PRIMA1: variants seen among roughly 807,000 people sequenced by gnomAD.
PRIMA1 encodes proline rich membrane anchor 1, also known as proline-rich membrane anchor 1.
PRIMA1 carries 7 observed loss-of-function variants against 17.5 expected under a neutral mutation model. That is an observed-to-expected ratio of 0.40 (90% confidence interval 0.23 to 0.75). The LOEUF (loss-of-function observed/expected upper bound fraction) is 0.75. PRIMA1 is among the 30% of genes least tolerant of loss of function. The pLI is 0.37. For synonymous variants in PRIMA1, 97 were observed against 77.9 expected (o/e 1.25, Z -1.29); for missense variants, 200 against 201.8 (o/e 0.99, Z 0.05).
chr14:93,785,964 C>A (rs1022816872), intron 2 of PRIMA1, among the ~76,000 whole-genome samples: 1 of 152,122 alleles, frequency 6.6e-6, no homozygotes, highest in African/African-American at 2.4e-5. Context: ...ACTTAAAAAA[C>A]TGAACTGCTT....
At chr14:93,733,473 G>C (rs2076128725) in intron 4 of PRIMA1, among the ~76,000 whole-genome samples, 2 of 152,098 alleles carry the variant, frequency 1.3e-5, no homozygotes, top group South Asian at 4.1e-4. Flanking sequence ...TCAGCCCTCG[G>C]TGCCGCCCGT....
Position 93,776,211 on chromosome 14 carries a change from C to T in PRIMA1, c.229+2965G>A, listed in dbSNP as rs187790129. On this transcript the variant is annotated intron_variant, in intron 3 of 4. Transcript: ENST00000393140. Reference sequence around the variant, plus strand: ...TGAGACCATGGATTCAGCAGATCTGCTGCCTGGATATCCTGATACGTGAGC... The same window carrying T: ...TGAGACCATGGATTCAGCAGATCTGTTGCCTGGATATCCTGATACGTGAGC... Among the ~76,000 whole-genome samples, 3 of 152,322 alleles carry T rather than the reference C, an allele frequency of 2.0e-5. 1 individual carries two copies. Among genetic ancestry groups the T allele is most frequent in the East Asian group, 3.9e-4 (2 of 5,184 alleles).
At chr14:93,750,642 G>C (rs1244566988) in intron 3 of PRIMA1, among the ~76,000 whole-genome samples, 1 of 152,116 alleles carries the variant, frequency 6.6e-6, no homozygotes, top group Non-Finnish European at 1.5e-5. Context: ...CAGAGCCTAA[G>C]ATACACTATC....
chr14:93,723,162 T>TCCATG (rs1338354078), intron 4 of PRIMA1, among the ~76,000 whole-genome samples: 2 of 152,080 alleles, frequency 1.3e-5, no homozygotes, highest in Non-Finnish European at 2.9e-5. Context: ...GTAGCCCAAT[T>TCCATG]CCATGCCACA....
intron 4 of PRIMA1, among the ~76,000 whole-genome samples, chr14:93,731,177 T>C (rs1324427953): frequency 6.6e-6 from 1 of 152,204 alleles, no homozygotes; most frequent in African/African-American, 2.4e-5. Flanking sequence ...CAGAATCCCA[T>C]ACTGAGCCCC....
intron 3 of PRIMA1, among the ~76,000 whole-genome samples, chr14:93,747,936 TGA>T (rs1329182793): frequency 1.2e-4 from 8 of 67,802 alleles, no homozygotes; most frequent in African/African-American, 2.8e-4. Context: ...TGTGATTATG[TGA>T]GTGTGTGTGT....
chr14:93,762,452 G>T (rs1181578697), intron 3 of PRIMA1, among the ~76,000 whole-genome samples: 1 of 151,760 alleles, frequency 6.6e-6, no homozygotes, highest in Non-Finnish European at 1.5e-5. Flanking sequence ...AGGGAAAAGG[G>T]TCCAGCTATC....
chr14:93,732,878 T>C (rs565233258), intron 4 of PRIMA1, among the ~76,000 whole-genome samples: 17 of 152,336 alleles, frequency 1.1e-4, no homozygotes, highest in African/African-American at 3.8e-4. Flanking sequence ...CTCCCAGTTC[T>C]GGGCTCTTTT....
chr14:93,770,146 G>A (rs1225406526), intron 3 of PRIMA1, among the ~76,000 whole-genome samples: 1 of 152,074 alleles, frequency 6.6e-6, no homozygotes, highest in Non-Finnish European at 1.5e-5. Flanking sequence ...CTCCACCCCG[G>A]GTCCAGCCCA....
intron 3 of PRIMA1, among the ~76,000 whole-genome samples, chr14:93,777,727 C>T (rs555700713): frequency 6.6e-6 from 1 of 152,322 alleles, no homozygotes; most frequent in Non-Finnish European, 1.5e-5. Context: ...CCTGGCAAAC[C>T]ATTTCTGTGT....
intron 3 of PRIMA1, among the ~76,000 whole-genome samples, chr14:93,772,939 T>C (rs1205211655): frequency 6.6e-6 from 1 of 152,224 alleles, no homozygotes; most frequent in East Asian, 1.9e-4. Flanking sequence ...TGCCATTTAT[T>C]GCGTGTTAAC....
In PRIMA1 at chr14:93,720,275, G is replaced by C. The variant is rs914035980; in HGVS notation, c.*1169C>G. The C allele has an allele frequency of 3.9e-5, 6 of 152,252 alleles. No homozygotes were observed. Among genetic ancestry groups the C allele is most frequent in the Non-Finnish European group, 8.8e-5 (6 of 68,068 alleles). 9.4% of individuals were successfully genotyped at this position (152,252 alleles called of 1,614,324 possible). On this transcript the variant is annotated 3_prime_UTR_variant, in exon 5 of 5. Transcript: ENST00000393140. Reference sequence around the variant, plus strand: ...CTTGGGAGACAGGCCAACAGGGCAGGGGTCACCAGCCTGGAGGACCCCTCT... The same window carrying C: ...CTTGGGAGACAGGCCAACAGGGCAGCGGTCACCAGCCTGGAGGACCCCTCT...
At chr14:93,785,202 A>AAAG (rs1303241608) in intron 2 of PRIMA1, among the ~76,000 whole-genome samples, 1 of 151,712 alleles carries the variant, frequency 6.6e-6, no homozygotes, top group Non-Finnish European at 1.5e-5. Flanking sequence ...AAAAAAAAAA[A>AAAG]AAAAAGAATC....
Position 93,768,082 on chromosome 14 carries a change from T to C in PRIMA1, c.229+11094A>G, listed in dbSNP as rs76503972. Among the ~76,000 whole-genome samples the C allele has an allele frequency of 1.6e-3, 241 of 152,298 alleles. 1 individual carries two copies. Among genetic ancestry groups the C allele is most frequent in the African/African-American group, 5.4e-3 (224 of 41,550 alleles). On this transcript the variant is annotated intron_variant, in intron 3 of 4. Transcript: ENST00000393140. ...GGTGAATTCTACATTGTATGAATTTTACCTCAACAACAAAAAAATCTCTTT... is the reference window on the plus strand; with the variant it reads ...GGTGAATTCTACATTGTATGAATTTCACCTCAACAACAAAAAAATCTCTTT...
chr14:93,762,872 T>A (rs1884774390), intron 3 of PRIMA1, among the ~76,000 whole-genome samples: 1 of 152,026 alleles, frequency 6.6e-6, no homozygotes, highest in African/African-American at 2.4e-5. Context: ...CTCTTGCTGC[T>A]CCTCCACCCC....
At chr14:93,785,622 G>C (rs1050799808) in intron 2 of PRIMA1, among the ~76,000 whole-genome samples, 1 of 152,162 alleles carries the variant, frequency 6.6e-6, no homozygotes, top group Admixed American at 6.5e-5. Flanking sequence ...ATGGCTTCGT[G>C]CATTTCCATT....
intron 2 of PRIMA1, 130 bp downstream of exon 2, chr14:93,787,496 T>C (rs1173564224): frequency 2.2e-6 from 3 of 1,360,518 alleles, no homozygotes; most frequent in Non-Finnish European, 3.0e-6. Context: ...TAGCAGCTTT[T>C]CTTTTCCCAA....
chr14:93,780,852 G>A (rs1196197591), intron 2 of PRIMA1, among the ~76,000 whole-genome samples: 3 of 152,184 alleles, frequency 2.0e-5, no homozygotes, highest in Non-Finnish European at 4.4e-5. Context: ...ACAAAGAGTT[G>A]CCAGTCACCC....
At chr14:93,724,951 G>A (rs1566962133) in intron 4 of PRIMA1, among the ~76,000 whole-genome samples, 1 of 152,178 alleles carries the variant, frequency 6.6e-6, no homozygotes, top group Non-Finnish European at 1.5e-5. Flanking sequence ...GCTAAGGTGA[G>A]GCGGTCAGTA....
Sources: gnomAD v4.1 joint callset for allele counts (sites outside exome capture counted in the v4.1 genomes callset) on GRCh38, gnomAD v4.1.1 for gene constraint, MANE v1.5 for transcripts, NCBI Gene and HGNC (gene_info 2026-07-23, HGNC 2026-07-21) for gene names.